Variants in OR4K17 observed in about 807,000 individuals in gnomAD.
OR4K17 encodes olfactory receptor family 4 subfamily K member 17, also known as olfactory receptor 4K17.
For missense variants in OR4K17, 480 were observed against 366.3 expected (o/e 1.31, Z -2.53); for synonymous variants, 157 against 132.8 (o/e 1.18, Z -1.25).
In OR4K17 at chr14:20,122,097, A is replaced by T. The variant is rs1349785760; in HGVS notation, c.*3659A>T. The T allele has an allele frequency of 6.6e-6, 1 of 152,044 alleles. No homozygotes were observed. Among genetic ancestry groups the T allele is most frequent in the East Asian group, 1.9e-4 (1 of 5,200 alleles). The allele number at this position is 152,044 out of a possible 1,614,324, so 9.4% of individuals were successfully genotyped here. A position where few individuals can be genotyped will look rare whatever the true frequency, so the allele number is the denominator to read the frequency against. On this transcript the variant is annotated 3_prime_UTR_variant, in exon 2 of 2. Transcript: ENST00000641386. Reference sequence around the variant, plus strand: ...TGTTGCCTAAAGTCACTGAGGGATGACTCTACTTACCTACCAACAATTATC... The same window carrying T: ...TGTTGCCTAAAGTCACTGAGGGATGTCTCTACTTACCTACCAACAATTATC...
chr14:20,111,868 T>C (rs1332153416), intron 1 of OR4K17: 2 of 152,104 alleles, frequency 1.3e-5, no homozygotes, highest in Non-Finnish European at 2.9e-5. Flanking sequence ...TCACCTCCAA[T>C]TCTATGTGCC....
chr14:20,117,709 T>C lies in OR4K17; in HGVS notation c.210T>C (p.Asp70=), dbSNP rs1324760229. 1 of 1,614,060 alleles carries C rather than the reference T, an allele frequency of 6.2e-7. No homozygotes were observed. The highest frequency in any genetic ancestry group is 1.1e-5 in the South Asian group (1 of 91,080). ...TCCTTGGTAATCTCTCTTTTGTAGA[T>C]ATGACCCTTGCTTCTTTTGCCACCC... The part of the protein sequence containing the change: ...YFLLGNLSFV[D]MTLASFATPK... Residue 70 remains aspartate, a synonymous_variant, in exon 2 of 2, where the codon GAT becomes GAC. Coordinates refer to ENST00000641386, the MANE Select transcript of OR4K17 (RefSeq NM_001004715.5).
At chr14:20,116,201 ATAGCC>A (rs1877987576) in intron 1 of OR4K17, among the ~76,000 whole-genome samples, 1 of 152,088 alleles carries the variant, frequency 6.6e-6, no homozygotes, top group African/African-American at 2.4e-5. Flanking sequence ...TTCTCTCCAA[ATAGCC>A]TACTGATTCT....
rs1045412536 is a variant in OR4K17, at chr14:20,117,826, G to A, written c.327G>A (p.Gly109=). 6.2e-6 allele frequency: 10 copies of A among 1,613,930 alleles called. No homozygotes were observed. The African/African-American group carries it at 1.3e-4, about 22-fold the overall frequency. Residue 109 remains glycine (G), a synonymous_variant, in exon 2 of 2, where the codon GGG becomes GGA. Transcript: ENST00000641386. ...TQIFLLHLLG[G]VEMVLLVSMA... is the part of the protein sequence containing the mutation. ...TATTTCTCCTTCACTTACTGGGTGG[G>A]GTTGAAATGGTACTGTTGGTCTCCA...
intron 1 of OR4K17, among the ~76,000 whole-genome samples, chr14:20,115,316 T>A (rs1231087889): frequency 6.6e-6 from 1 of 152,162 alleles, no homozygotes; most frequent in East Asian, 1.9e-4. Context: ...AAATAATCTC[T>A]TTGTTAATAG....
chr14:20,116,500 A>C (rs556528704), intron 1 of OR4K17, among the ~76,000 whole-genome samples: 2 of 152,144 alleles, frequency 1.3e-5, no homozygotes, highest in Non-Finnish European at 2.9e-5. Context: ...TGTTATGTAA[A>C]TAAATGTGAA....
At chr14:20,115,243 AT>A (rs1389867125) in intron 1 of OR4K17, among the ~76,000 whole-genome samples, 2 of 152,090 alleles carry the variant, frequency 1.3e-5, no homozygotes, top group African/African-American at 2.4e-5. Context: ...AGGTCCTGGC[AT>A]TTTTATGAAG....
chr14:20,118,230 T>C lies in OR4K17; in HGVS notation c.731T>C (p.Ile244Thr). The C allele has an allele frequency of 6.2e-7, 1 of 1,614,078 alleles. No individual in the cohort carries two copies. Among genetic ancestry groups the C allele is most frequent in the Non-Finnish European group, 8.5e-7 (1 of 1,179,922 alleles). The part of the protein sequence containing the change: ...SKARSTLTAH[I>T]TVVILFFGPC... ...GCCCGTTCCACTTTGACTGCTCACATCACAGTGGTGATTCTCTTCTTTGGC... is the reference window on the plus strand; with the variant it reads ...GCCCGTTCCACTTTGACTGCTCACACCACAGTGGTGATTCTCTTCTTTGGC... Residue 244 changes from isoleucine (I) to threonine (T), a missense_variant, in exon 2 of 2, where the codon ATC becomes ACC. Coordinates refer to ENST00000641386, the MANE Select transcript of OR4K17 (RefSeq NM_001004715.5).
At chr14:20,117,217 T>C (rs1170704989) in intron 1 of OR4K17, among the ~76,000 whole-genome samples, 2 of 152,188 alleles carry the variant, frequency 1.3e-5, no homozygotes, top group African/African-American at 4.8e-5. Flanking sequence ...CCTATGAAGA[T>C]ACACTTATAT....
In OR4K17 at chr14:20,118,605, G is replaced by T. The variant is rs537331117; in HGVS notation, c.*167G>T. 231 of 512,978 alleles carry T rather than the reference G, an allele frequency of 4.5e-4. 2 individuals are homozygous for T. The East Asian group carries it at 6.6e-3, about 15-fold the overall frequency. 31.8% of individuals were successfully genotyped at this position (512,978 alleles called of 1,614,324 possible). ...AAATAAAGGGAAAGAATACAAAAGA[G>T]AGAAATTTTAAAGCTGGGTGTCCAG... On this transcript the variant is annotated 3_prime_UTR_variant, in exon 2 of 2. Coordinates refer to ENST00000641386, the MANE Select transcript of OR4K17 (RefSeq NM_001004715.5).
At position 20,120,149 on chromosome 14, in the gene OR4K17, G is replaced by C. The variant is rs925995238; in HGVS notation, c.*1711G>C. The C allele has an allele frequency of 6.6e-6, 1 of 152,174 alleles. No individual in the cohort carries two copies. 9.4% of individuals were successfully genotyped at this position (152,174 alleles called of 1,614,324 possible). ...AATAAAGTGAATCCTCAAAATGTCT[G>C]TCACATTTTTACTGTATAATTGAGT... On this transcript the variant is annotated 3_prime_UTR_variant, in exon 2 of 2. Coordinates refer to ENST00000641386, the MANE Select transcript of OR4K17 (RefSeq NM_001004715.5).
chr14:20,115,619 C>A (rs1263412962), intron 1 of OR4K17, among the ~76,000 whole-genome samples: 2 of 151,944 alleles, frequency 1.3e-5, no homozygotes, highest in African/African-American at 4.8e-5. Flanking sequence ...CACTCATAAT[C>A]CTTATGATAA....
intron 1 of OR4K17, among the ~76,000 whole-genome samples, chr14:20,114,553 A>G (rs1043960622): frequency 4.6e-5 from 7 of 152,070 alleles, no homozygotes; most frequent in Non-Finnish European, 1.0e-4. Context: ...AATCTTCGCC[A>G]TTCCAGGAAG....
chr14:20,114,880 T>C (rs530053460), intron 1 of OR4K17, among the ~76,000 whole-genome samples: 60 of 152,176 alleles, frequency 3.9e-4, no homozygotes, highest in African/African-American at 1.4e-3. Flanking sequence ...CTAAGTTATC[T>C]TATATATTTA....
chr14:20,112,983 A>G (rs1877913225), intron 1 of OR4K17, among the ~76,000 whole-genome samples: 1 of 152,044 alleles, frequency 6.6e-6, no homozygotes, highest in African/African-American at 2.4e-5. Flanking sequence ...AATCTGGTAA[A>G]CTATGAAGAT....
intron 1 of OR4K17, among the ~76,000 whole-genome samples, chr14:20,114,536 G>T (rs544507640): frequency 1.3e-5 from 2 of 152,060 alleles, no homozygotes; most frequent in East Asian, 1.9e-4. Flanking sequence ...AATATAAAAC[G>T]TATTTAAATC....
intron 1 of OR4K17, among the ~76,000 whole-genome samples, chr14:20,116,862 C>A (rs577888396): frequency 2.6e-4 from 40 of 152,064 alleles, no homozygotes; most frequent in Admixed American, 2.0e-4. Context: ...GCCAAAAAGA[C>A]TTTCTAAGAG....
chr14:20,113,758 C>T (rs1018507071), intron 1 of OR4K17, among the ~76,000 whole-genome samples: 1 of 151,918 alleles, frequency 6.6e-6, no homozygotes, highest in African/African-American at 2.4e-5. Flanking sequence ...TCCTTCAGTT[C>T]CTTTATACTT....
chr14:20,118,635 G>A lies in OR4K17; in HGVS notation c.*197G>A. On this transcript the variant is annotated 3_prime_UTR_variant, in exon 2 of 2. Transcript: ENST00000641386. Reference sequence around the variant, plus strand: ...ATTTTAAAGCTGGGTGTCCAGGGGAGACATCACATGTCAGCGGGTTCCGTG... The same window carrying A: ...ATTTTAAAGCTGGGTGTCCAGGGGAAACATCACATGTCAGCGGGTTCCGTG... The A allele has an allele frequency of 2.3e-6, 1 of 432,232 alleles. No homozygotes were observed. Among genetic ancestry groups the A allele is most frequent in the East Asian group, 4.2e-5 (1 of 23,932 alleles). 26.8% of individuals were successfully genotyped at this position (432,232 alleles called of 1,614,324 possible).
Sources: gnomAD v4.1 joint callset for allele counts (sites outside exome capture counted in the v4.1 genomes callset) on GRCh38, gnomAD v4.1.1 for gene constraint, MANE v1.5 for transcripts, NCBI Gene and HGNC (gene_info 2026-07-23, HGNC 2026-07-21) for gene names.